The following CD36 variants were observed in gnomAD, a reference collection of about 807,000 sequenced individuals.
CD36 encodes CD36 molecule (CD36 blood group).
Under a neutral mutation model 55.2 loss-of-function variants are expected in CD36, and 119 were observed. That is an observed-to-expected ratio of 2.15 (90% confidence interval 1.86 to 2.51). The LOEUF is 2.51. CD36 is among the 30% of genes most tolerant of loss of function. CD36 has a pLI of 0.00. For missense variants in CD36, 819 were observed against 555.5 expected (o/e 1.47, Z -4.77); for synonymous variants, 186 against 193.6 (o/e 0.96, Z 0.33).
At chr7:80,614,143 A>C (rs1793021368) in intron 1 of CD36, among the ~76,000 whole-genome samples, 1 of 152,224 alleles carries the variant, frequency 6.6e-6, no homozygotes, top group Non-Finnish European at 1.5e-5. Context: ...CATCACAGAT[A>C]TTCTTAAACT....
chr7:80,667,395 A>T (rs1030482398), intron 8 of CD36, among the ~76,000 whole-genome samples: 4 of 142,944 alleles, frequency 2.8e-5, no homozygotes, highest in African/African-American at 1.1e-4. Flanking sequence ...GTGCCTCTGC[A>T]CTCTAGCCTG....
Position 80,656,721 on chromosome 7 carries a change from A to G in CD36, c.281+21A>G, listed in dbSNP as rs200894551. Reference sequence around the variant, plus strand: ...TACAGGTGAGTGAGTCCCCACAAATATGAGACACTCTTACCTTGACCATGT... The same window carrying G: ...TACAGGTGAGTGAGTCCCCACAAATGTGAGACACTCTTACCTTGACCATGT... On this transcript the variant is annotated intron_variant, in intron 4 of 14. Coordinates refer to ENST00000447544, the MANE Select transcript of CD36 (RefSeq NM_001001548.3). 35 of 1,604,346 alleles carry G rather than the reference A, an allele frequency of 2.2e-5. No homozygotes were observed. The African/African-American group carries it at 4.1e-4, about 19-fold the overall frequency.
Position 80,662,842 on chromosome 7 carries a change from G to A in CD36, c.430-148G>A, listed in dbSNP as rs1796660585. The A allele has an allele frequency of 1.3e-5, 9 of 681,144 alleles. No individual in the cohort carries two copies. In the East Asian group the frequency reaches 2.5e-4, roughly 19 times the overall value. 42.2% of individuals were successfully genotyped at this position (681,144 alleles called of 1,614,324 possible). ...TAATCATCTAGGAATTAGACGAATT[G>A]CATTTTGAGTTTTGGCAGGATCTGG... On this transcript the variant is annotated intron_variant, in intron 5 of 14. Coordinates refer to ENST00000447544, the MANE Select transcript of CD36 (RefSeq NM_001001548.3).
intron 12 of CD36, 75 bp from the exon 13 acceptor site, chr7:80,673,280 G>T: frequency 7.1e-6 from 5 of 702,488 alleles, no homozygotes; most frequent in South Asian, 3.9e-5. Flanking sequence ...ACTAATTTAT[G>T]AACATTTATT....
chr7:80,672,183 C>CAATT (rs1562824169), intron 11 of CD36, 143 bp downstream of exon 11: 2 of 669,022 alleles, frequency 3.0e-6, no homozygotes, highest in East Asian at 5.8e-5. Flanking sequence ...AAACTTAGGT[C>CAATT]GATTTCTTCC....
chr7:80,621,550 C>T (rs1793472081), intron 1 of CD36, among the ~76,000 whole-genome samples: 1 of 151,960 alleles, frequency 6.6e-6, no homozygotes, highest in Non-Finnish European at 1.5e-5. Context: ...CAAGTTGTCT[C>T]ACATGTGAGG....
intron 1 of CD36, among the ~76,000 whole-genome samples, chr7:80,618,773 G>T (rs1793305726): frequency 6.6e-6 from 1 of 152,178 alleles, no homozygotes; most frequent in Admixed American, 6.5e-5. Flanking sequence ...GCTCACAGAG[G>T]TTGATTCATG....
At chr7:80,674,670 T>C (rs913757946) in intron 14 of CD36, among the ~76,000 whole-genome samples, 5 of 151,986 alleles carry the variant, frequency 3.3e-5, no homozygotes, top group Non-Finnish European at 7.4e-5. Context: ...CCTCTATGCT[T>C]TAGATATTAG....
chr7:80,629,837 T>C (rs1793970862), intron 1 of CD36, among the ~76,000 whole-genome samples: 4 of 151,792 alleles, frequency 2.6e-5, no homozygotes, highest in Non-Finnish European at 5.9e-5. Context: ...AAAAATTGCC[T>C]ATTTTTAGTT....
Position 80,628,162 on chromosome 7 carries a change from TA to T in CD36, c.-183-17921del, listed in dbSNP as rs369476998. Among the ~76,000 whole-genome samples, 17 of 152,094 alleles carry T rather than the reference TA, an allele frequency of 1.1e-4. No homozygotes were observed. The South Asian group carries it at 1.7e-3, about 15-fold the overall frequency. ...ATTTAACATATACATGCATTTCTTT[TA>T]AAAATCTATGCTGTGATACATAGAG... is the stretch of plus-strand genomic sequence containing the variant. On this transcript the variant is annotated intron_variant, in intron 1 of 13. Transcript: ENST00000309881.
intron 9 of CD36, 67 bp from the exon 10 acceptor site, chr7:80,670,910 G>GA (rs1288935785): frequency 4.6e-6 from 5 of 1,096,142 alleles, no homozygotes; most frequent in African/African-American, 3.1e-5. Context: ...ACAAGAATAA[G>GA]AAAAAATGAA....
chr7:80,605,122 A>G (rs1352430749), intron 1 of CD36, among the ~76,000 whole-genome samples: 1 of 152,188 alleles, frequency 6.6e-6, no homozygotes, highest in Non-Finnish European at 1.5e-5. Flanking sequence ...ACAAAATTTT[A>G]AGTAAACTGG....
At chr7:80,674,362 T>A (rs1397229955) in intron 14 of CD36, 17 of 510,752 alleles carry the variant, frequency 3.3e-5, no homozygotes, top group Non-Finnish European at 4.6e-5. Context: ...ATAAAAGATG[T>A]ACTTGTGACC....
chr7:80,642,525 G>A (rs11489664), intron 1 of CD36, among the ~76,000 whole-genome samples: 2,460 of 152,200 alleles, frequency 0.016, 61 homozygotes, highest in African/African-American at 0.055. Context: ...GTCTTACGTA[G>A]TATGGGTGGT....
At chr7:80,659,933 G>A (rs1796393923) in intron 4 of CD36, among the ~76,000 whole-genome samples, 1 of 151,976 alleles carries the variant, frequency 6.6e-6, no homozygotes, top group Non-Finnish European at 1.5e-5. Context: ...AAGAATCTGA[G>A]ACATTTGTTT....
chr7:80,619,653 G>GAAAAAAA (rs34516458), intron 1 of CD36, among the ~76,000 whole-genome samples: 1 of 125,996 alleles, frequency 7.9e-6, no homozygotes, highest in Non-Finnish European at 1.6e-5. Flanking sequence ...TCTCAAAACA[G>GAAAAAAA]AAAAAAAAAA....
intron 8 of CD36, among the ~76,000 whole-genome samples, chr7:80,667,990 G>GC (rs1021390824): frequency 1.3e-5 from 2 of 151,704 alleles, no homozygotes; most frequent in African/African-American, 4.8e-5. Context: ...CTTGTGATCC[G>GC]CCCCCCTCGG....
intron 1 of CD36, among the ~76,000 whole-genome samples, chr7:80,620,513 G>A (rs1369125760): frequency 6.6e-6 from 1 of 152,158 alleles, no homozygotes; most frequent in African/African-American, 2.4e-5. Flanking sequence ...GAGCTTCCAT[G>A]CCTTCCCTGG....
intron 1 of CD36, among the ~76,000 whole-genome samples, chr7:80,603,902 C>T (rs183824226): frequency 1.1e-3 from 173 of 152,044 alleles, no homozygotes; most frequent in Non-Finnish European, 2.0e-3. Context: ...GATGTGACTG[C>T]GGCTCATTTT....
Sources: gnomAD v4.1 joint callset for allele counts (sites outside exome capture counted in the v4.1 genomes callset) on GRCh38, gnomAD v4.1.1 for gene constraint, MANE v1.5 for transcripts, NCBI Gene and HGNC (gene_info 2026-07-23, HGNC 2026-07-21) for gene names.